The following NRXN3 variants were observed in gnomAD, a reference collection of about 807,000 sequenced individuals.
NRXN3 encodes the protein neurexin 3.
In NRXN3, 32 loss-of-function variants were observed where a neutral mutation model predicts 137.6. The observed-to-expected ratio is 0.23, with a 90% CI of 0.18 to 0.31. The LOEUF is 0.31. NRXN3 is among the 10% of genes least tolerant of loss of function. The pLI, the probability that NRXN3 is intolerant of heterozygous loss-of-function variation, is 1.00. For missense variants in NRXN3, 1,574 were observed against 2,062.5 expected (o/e 0.76, Z 4.59); for synonymous variants, 798 against 784.5 (o/e 1.02, Z -0.29).
rs1279388858 is a variant in NRXN3, at chr14:79,770,222, G to A, written c.4015-34890G>A. Among the ~76,000 whole-genome samples, 4 of 152,210 alleles carry A rather than the reference G, an allele frequency of 2.6e-5. No homozygotes were observed. In the East Asian group the frequency reaches 5.8e-4, roughly 22 times the overall value. On this transcript the variant is annotated intron_variant, in intron 19 of 20. Coordinates refer to ENST00000335750, the MANE Select transcript of NRXN3 (RefSeq NM_001330195.2). ...TAACATTAGACAGATCAATGAGACA[G>A]AAAGTCAACAAGGATACCCAGGAAT...
intron 19 of NRXN3, among the ~76,000 whole-genome samples, chr14:79,720,331 A>G (rs775895191): frequency 1.3e-5 from 2 of 152,056 alleles, no homozygotes; most frequent in Non-Finnish European, 2.9e-5. Flanking sequence ...CCCTTGATGC[A>G]TGGGGATTAT....
intron 16 of NRXN3, among the ~76,000 whole-genome samples, chr14:79,568,751 T>C (rs540009569): frequency 6.6e-6 from 1 of 152,334 alleles, no homozygotes; most frequent in African/African-American, 2.4e-5. Flanking sequence ...TTGTGCTGTC[T>C]TCCACTGCTG....
intron 16 of NRXN3, among the ~76,000 whole-genome samples, chr14:79,586,406 A>G (rs141921292): frequency 1.5e-3 from 234 of 152,078 alleles, no homozygotes; most frequent in African/African-American, 5.5e-3. Flanking sequence ...TGTTTTCTTT[A>G]TTTTCATTTT....
intron 15 of NRXN3, among the ~76,000 whole-genome samples, chr14:79,107,457 A>G (rs1317464959): frequency 6.6e-6 from 1 of 152,170 alleles, no homozygotes; most frequent in Non-Finnish European, 1.5e-5. Flanking sequence ...ATTAAGATAT[A>G]ATTCCAAAAG....
chr14:78,332,220 C>A (rs117173242), intron 4 of NRXN3, among the ~76,000 whole-genome samples: 175 of 152,260 alleles, frequency 1.1e-3, no homozygotes, highest in African/African-American at 4.0e-3. Context: ...CGATAAATAT[C>A]TTTTCCCTTA....
At chr14:78,931,606 T>C (rs142472983) in intron 10 of NRXN3, among the ~76,000 whole-genome samples, 2 of 152,198 alleles carry the variant, frequency 1.3e-5, no homozygotes, top group East Asian at 3.9e-4. Flanking sequence ...ATATTTAGTG[T>C]CAAATGCTTT....
At chr14:78,206,875 GT>G (rs990249158) in intron 1 of NRXN3, among the ~76,000 whole-genome samples, 1 of 151,022 alleles carries the variant, frequency 6.6e-6, no homozygotes, top group Non-Finnish European at 1.5e-5. Flanking sequence ...TTTTTTGTTT[GT>G]TTTTTGAGAT....
At chr14:78,741,695 T>G (rs576808770) in intron 8 of NRXN3, among the ~76,000 whole-genome samples, 3 of 152,298 alleles carry the variant, frequency 2.0e-5, no homozygotes, top group Admixed American at 6.5e-5. Context: ...ATATACTCTC[T>G]TAGCATATTT....
chr14:79,009,070 T>C (rs2099564517), intron 15 of NRXN3, among the ~76,000 whole-genome samples: 1 of 152,178 alleles, frequency 6.6e-6, no homozygotes, highest in African/African-American at 2.4e-5. Flanking sequence ...GTCTCCCGTG[T>C]TTCCTCATTA....
At chr14:79,132,733 T>C (rs943935784) in intron 15 of NRXN3, among the ~76,000 whole-genome samples, 2 of 151,838 alleles carry the variant, frequency 1.3e-5, no homozygotes, top group African/African-American at 2.4e-5. Flanking sequence ...ACAGGCTGAG[T>C]TCCCTAGGAA....
intron 4 of NRXN3, among the ~76,000 whole-genome samples, chr14:78,380,240 G>A (rs1031378689): frequency 6.9e-6 from 1 of 144,408 alleles, no homozygotes; most frequent in African/African-American, 2.6e-5. Context: ...TTTACAGCTT[G>A]CAGCGAGCCG....
intron 4 of NRXN3, among the ~76,000 whole-genome samples, chr14:78,550,541 C>A (rs72627189): frequency 0.016 from 305 of 19,434 alleles, no homozygotes; most frequent in African/African-American, 0.038. Context: ...ATAGTAAAAA[C>A]AAAAAAAAAA....
chr14:78,626,147 A>G (rs2097455846), intron 4 of NRXN3, among the ~76,000 whole-genome samples: 1 of 152,198 alleles, frequency 6.6e-6, no homozygotes, highest in African/African-American at 2.4e-5. Flanking sequence ...AATCTGGGGA[A>G]CCACTCAGAA....
chr14:79,772,311 A>G (rs2099081276), intron 19 of NRXN3, among the ~76,000 whole-genome samples: 1 of 152,098 alleles, frequency 6.6e-6, no homozygotes, highest in Non-Finnish European at 1.5e-5. Context: ...AAGAGCCCGC[A>G]TCACCAAGTC....
intron 1 of NRXN3, among the ~76,000 whole-genome samples, chr14:78,240,468 G>A (rs897330322): frequency 6.6e-6 from 1 of 152,130 alleles, no homozygotes; most frequent in African/African-American, 2.4e-5. Context: ...TGCCAGATAG[G>A]GACTGTTATG....
At chr14:78,551,322 CTCTT>C (rs986474137) in intron 4 of NRXN3, among the ~76,000 whole-genome samples, 6 of 151,930 alleles carry the variant, frequency 3.9e-5, no homozygotes, top group Non-Finnish European at 5.9e-5. Context: ...TCTATGTATG[CTCTT>C]TCTCTCTTGC....
chr14:78,993,138 A>C (rs2099522301), intron 15 of NRXN3, among the ~76,000 whole-genome samples: 1 of 152,212 alleles, frequency 6.6e-6, no homozygotes, highest in Non-Finnish European at 1.5e-5. Flanking sequence ...AGTTTTCTGC[A>C]GGAGTGGCTA....
intron 6 of NRXN3, among the ~76,000 whole-genome samples, chr14:78,674,125 C>T (rs370631437): frequency 7.2e-5 from 11 of 152,286 alleles, no homozygotes; most frequent in East Asian, 5.8e-4. Context: ...GCTATTATGC[C>T]TCCTGTCCCT....
chr14:79,290,033 G>C (rs1156614683), intron 15 of NRXN3, among the ~76,000 whole-genome samples: 1 of 151,490 alleles, frequency 6.6e-6, no homozygotes, highest in South Asian at 2.1e-4. Flanking sequence ...ACCCCCCCAC[G>C]TTAAAACATA....
Sources: allele counts gnomAD v4.1 joint callset (sites outside exome capture counted in the v4.1 genomes callset), GRCh38; gene constraint gnomAD v4.1.1; transcripts MANE v1.5; gene names NCBI Gene and HGNC (gene_info 2026-07-23, HGNC 2026-07-21).